EPAS1: variants seen among roughly 807,000 people sequenced by gnomAD.
EPAS1 encodes endothelial PAS domain protein 1.
In EPAS1, 23 loss-of-function variants were observed where a neutral mutation model predicts 87.9. That is an observed-to-expected ratio of 0.26 (90% CI 0.19 to 0.37). The LOEUF is 0.37. EPAS1 is among the 10% of genes least tolerant of loss of function. The pLI, the probability that EPAS1 is intolerant of heterozygous loss-of-function variation, is 1.00. For synonymous variants in EPAS1, 508 were observed against 444.3 expected, an observed-to-expected ratio of 1.14 and a Z score of -1.80; for missense variants, 1,138 against 1,120.7, an observed-to-expected ratio of 1.02 and a Z score of -0.22.
intron 1 of EPAS1, among the ~76,000 whole-genome samples, chr2:46,298,632 G>T (rs1682934458): frequency 6.6e-6 from 1 of 152,252 alleles, no homozygotes; most frequent in South Asian, 2.1e-4. Flanking sequence ...CGGCAACACT[G>T]GATGTCCCTG....
rs13019268 is a variant in EPAS1, at chr2:46,383,073, A to T, written c.2461+475A>T. On this transcript the variant is annotated intron_variant, in intron 15 of 15. Coordinates refer to ENST00000263734, the MANE Select transcript of EPAS1 (RefSeq NM_001430.5). ...AGGCAGGGGATCTCCCGTCTATGCA[A>T]GGATGAGCTTGCTGCGTGGAGAAGG... 4.6e-5 allele frequency among the ~76,000 whole-genome samples: 7 copies of T among 152,208 alleles called. No individual in the cohort carries two copies. In the East Asian group the frequency reaches 1.4e-3, roughly 29 times the overall value.
chr2:46,314,293 T>C (rs964298645), intron 1 of EPAS1, among the ~76,000 whole-genome samples: 3 of 152,224 alleles, frequency 2.0e-5, no homozygotes, highest in Non-Finnish European at 4.4e-5. Flanking sequence ...CTTACCACAA[T>C]TAGCAATTGT....
intron 1 of EPAS1, among the ~76,000 whole-genome samples, chr2:46,308,146 A>G (rs1314707777): frequency 2.6e-5 from 4 of 151,980 alleles, no homozygotes; most frequent in African/African-American, 4.8e-5. Context: ...TCCCACTTCT[A>G]TTCCCTCACA....
Position 46,360,151 on chromosome 2 carries a change from T to C in EPAS1, c.455-487T>C, listed in dbSNP as rs967014658. On this transcript the variant is annotated intron_variant, in intron 4 of 15. Transcript: ENST00000263734. The surrounding 1 kb of genome is among the most constrained non-coding windows in gnomAD (Gnocchi z 4.5). ...AAATGGGGTACAGGAGGGGTTAAATTCCTCCTGAGAGACAGGTTATAAAGG... is the reference window on the plus strand; with the variant it reads ...AAATGGGGTACAGGAGGGGTTAAATCCCTCCTGAGAGACAGGTTATAAAGG... 1.3e-5 allele frequency among the ~76,000 whole-genome samples: 2 copies of C among 152,136 alleles called. No individual in the cohort carries two copies. Among genetic ancestry groups the C allele is most frequent in the Non-Finnish European group, 2.9e-5 (2 of 68,024 alleles).
chr2:46,336,268 A>C (rs185224724), intron 1 of EPAS1, among the ~76,000 whole-genome samples: 101 of 152,324 alleles, frequency 6.6e-4, no homozygotes, highest in African/African-American at 2.2e-3. Context: ...GGATACACGA[A>C]AGTGGAAGAT....
chr2:46,310,262 C>G lies in EPAS1; in HGVS notation c.26+12325C>G, dbSNP rs566083696. Among the ~76,000 whole-genome samples the G allele has an allele frequency of 4.6e-5, 7 of 152,118 alleles. No homozygotes were observed. In the South Asian group the frequency reaches 1.0e-3, roughly 23 times the overall value. ...TAAGGTTCTCTTTCTGATGGTAAAG[C>G]CTTTGTCCCCCTCATTATTTGATAA... On this transcript the variant is annotated intron_variant, in intron 1 of 15. Coordinates refer to ENST00000263734, the MANE Select transcript of EPAS1 (RefSeq NM_001430.5).
intron 1 of EPAS1, among the ~76,000 whole-genome samples, chr2:46,319,073 C>T (rs1558585731): frequency 6.6e-6 from 1 of 152,156 alleles, no homozygotes; most frequent in South Asian, 2.1e-4. Context: ...ATCTGAAAAG[C>T]GGCATCTTTT....
chr2:46,372,396 GAGACAGGTCC>G (rs1270119578), intron 7 of EPAS1, among the ~76,000 whole-genome samples: 2 of 152,188 alleles, frequency 1.3e-5, no homozygotes, highest in African/African-American at 4.8e-5. Flanking sequence ...GCTCAGGTTT[GAGACAGGTCC>G]AGATTCACAC....
At chr2:46,372,802 A>G (rs1350698516) in intron 7 of EPAS1, among the ~76,000 whole-genome samples, 2 of 152,260 alleles carry the variant, frequency 1.3e-5, no homozygotes, top group Non-Finnish European at 2.9e-5. Context: ...GATCAAAAAG[A>G]GTAAGAGCCC....
chr2:46,353,018 G>A (rs1684202316), intron 2 of EPAS1, among the ~76,000 whole-genome samples: 1 of 152,182 alleles, frequency 6.6e-6, no homozygotes, highest in African/African-American at 2.4e-5. Flanking sequence ...CCCAAATAGG[G>A]TTGTCTTGGG....
At chr2:46,301,351 G>A (rs186785009) in intron 1 of EPAS1, among the ~76,000 whole-genome samples, 2 of 152,250 alleles carry the variant, frequency 1.3e-5, no homozygotes, top group Non-Finnish European at 2.9e-5. Flanking sequence ...TGAGGCTGCG[G>A]ATCACCTGAG....
Position 46,346,762 on chromosome 2 carries a change from T to C in EPAS1, c.27-111T>C, listed in dbSNP as rs1684035669. ...CAACTGGTGTGAGCCCAGATCAGTCTAGTAAGGGAGTGTGGCTGCACTGGG... is the reference window on the plus strand; with the variant it reads ...CAACTGGTGTGAGCCCAGATCAGTCCAGTAAGGGAGTGTGGCTGCACTGGG... On this transcript the variant is annotated intron_variant, in intron 1 of 15. Transcript: ENST00000263734. This position sits in a 1 kb window ranked among gnomAD's most constrained non-coding sequence, Gnocchi z 4.0. 7.3e-6 allele frequency: 8 copies of C among 1,098,994 alleles called. No individual in the cohort carries two copies. The highest frequency in any genetic ancestry group is 1.1e-5 in the Non-Finnish European group (8 of 738,696). The allele number at this position is 1,098,994 out of a possible 1,614,324, so 68.1% of individuals were successfully genotyped here.
chr2:46,322,251 G>A (rs1174728804), intron 1 of EPAS1, among the ~76,000 whole-genome samples: 1 of 152,100 alleles, frequency 6.6e-6, no homozygotes, highest in African/African-American at 2.4e-5. Context: ...AGGTTCTTAT[G>A]CTGGCAGCTC....
intron 11 of EPAS1, 111 bp downstream of exon 11, chr2:46,378,878 C>T (rs913972739): frequency 1.6e-5 from 18 of 1,093,920 alleles, no homozygotes; most frequent in South Asian, 5.2e-5. Flanking sequence ...GCAGTGGAGA[C>T]GTTTGGCCAA....
chr2:46,319,583 T>A (rs1019767660), intron 1 of EPAS1, among the ~76,000 whole-genome samples: 2 of 152,190 alleles, frequency 1.3e-5, no homozygotes, highest in Non-Finnish European at 1.5e-5. Flanking sequence ...CCTTGGAAAT[T>A]GTATATTTTT....
chr2:46,335,007 C>T (rs1014444224), intron 1 of EPAS1, among the ~76,000 whole-genome samples: 2 of 152,124 alleles, frequency 1.3e-5, no homozygotes, highest in African/African-American at 4.8e-5. Flanking sequence ...ATAAAGGAAG[C>T]CCAGGACAGA....
chr2:46,376,665 C>G lies in EPAS1; in HGVS notation c.1161C>G (p.Asn387Lys), dbSNP rs759305590. 1 of 1,614,028 alleles carries G rather than the reference C, an allele frequency of 6.2e-7. No homozygotes were observed. Among genetic ancestry groups the G allele is most frequent in the Non-Finnish European group, 8.5e-7 (1 of 1,180,022 alleles). ...AGGGGGCTGTGTCTGAGAAGAGTAA[C>G]TTCCTATTCACCAAGCTAAAGGAGG... ...SGKGAVSEKS[N>K]FLFTKLKEEP... Residue 387 changes from asparagine to lysine, a missense_variant, in exon 9 of 16, where the codon AAC (asparagine) becomes AAG (lysine). Around this residue, in one of 4 missense-constraint regions of EPAS1, gnomAD observed 284 missense variants for 258.4 expected, o/e 1.10. Transcript: ENST00000263734.
At chr2:46,376,500 A>G in intron 8 of EPAS1, 39 bp from the exon 9 acceptor site, 1 of 1,609,828 alleles carries the variant, frequency 6.2e-7, no homozygotes, top group Non-Finnish European at 8.5e-7. Context: ...TTTTTCTAGA[A>G]AATGTGGAAA....
intron 1 of EPAS1, among the ~76,000 whole-genome samples, chr2:46,320,631 T>C (rs1683437406): frequency 6.6e-6 from 1 of 152,194 alleles, no homozygotes; most frequent in Non-Finnish European, 1.5e-5. Context: ...TTTTCAGCTG[T>C]GTCTCTTTTT....
Sources: gnomAD v4.1 joint callset for allele counts (sites outside exome capture counted in the v4.1 genomes callset) on GRCh38, gnomAD v4.1.1 for gene constraint, gnomAD v4.1.1 regional missense constraint, Gnocchi (gnomAD v3.1) non-coding constraint, MANE v1.5 for transcripts, NCBI Gene and HGNC (gene_info 2026-07-23, HGNC 2026-07-21) for gene names.